The following RASGEF1A variants were observed in gnomAD, a reference collection of about 807,000 sequenced individuals.
The protein encoded by RASGEF1A is RasGEF domain family member 1A.
RASGEF1A carries 18 observed loss-of-function variants against 56.4 expected under a neutral mutation model. The observed-to-expected ratio is 0.32, with a 90% CI of 0.22 to 0.47. The LOEUF is 0.47. Among genes scored for constraint, RASGEF1A ranks in the 20% least tolerant of loss-of-function variants. RASGEF1A has a pLI of 1.00. For missense variants in RASGEF1A, 422 were observed against 627.1 expected (o/e 0.67, Z 3.49); for synonymous variants, 245 against 242.6 (o/e 1.01, Z -0.09).
In RASGEF1A at chr10:43,245,944, C is replaced by A. The variant is rs139981036; in HGVS notation, c.-7+20901G>T. ...GATAAGAAAAAGATATAAAAGACAC[C>A]CATATTGAAAAGAAGAAGTAAAACT... On this transcript the variant is annotated intron_variant, in intron 1 of 12. Transcript: ENST00000395810. 3.7e-3 allele frequency among the ~76,000 whole-genome samples: 564 copies of A among 152,126 alleles called. 7 individuals carry two copies. The highest frequency in any genetic ancestry group is 0.013 in the African/African-American group (534 of 41,502).
At chr10:43,226,816 C>T (rs536442002) in intron 1 of RASGEF1A, among the ~76,000 whole-genome samples, 1 of 152,354 alleles carries the variant, frequency 6.6e-6, no homozygotes, top group Admixed American at 6.5e-5. Flanking sequence ...TTCCTCCTTC[C>T]TTCCAGAACT....
At chr10:43,225,411 A>ATGTGTCTCTGTGTC (rs1840264873) in intron 1 of RASGEF1A, among the ~76,000 whole-genome samples, 1 of 126,828 alleles carries the variant, frequency 7.9e-6, no homozygotes, top group African/African-American at 3.1e-5. Context: ...GTGTGCCTGC[A>ATGTGTCTCTGTGTC]TGTGTCTCTG....
intron 1 of RASGEF1A, among the ~76,000 whole-genome samples, chr10:43,263,566 G>A (rs1272321605): frequency 1.3e-5 from 2 of 152,180 alleles, no homozygotes; most frequent in South Asian, 4.1e-4. Flanking sequence ...TCAAGCTGGT[G>A]CTGGCCTCTG....
At chr10:43,212,256 C>CAG in intron 1 of RASGEF1A, among the ~76,000 whole-genome samples, 2 of 152,338 alleles carry the variant, frequency 1.3e-5, no homozygotes, top group South Asian at 4.1e-4. Flanking sequence ...CCACTCGCTC[C>CAG]CAGCCTCCTG....
chr10:43,252,458 C>G (rs566110218), intron 1 of RASGEF1A, among the ~76,000 whole-genome samples: 2 of 152,002 alleles, frequency 1.3e-5, no homozygotes, highest in African/African-American at 4.8e-5. Flanking sequence ...GGCCGGGGCT[C>G]GGCATCCAGC....
At chr10:43,259,477 T>C (rs949936170) in intron 1 of RASGEF1A, among the ~76,000 whole-genome samples, 1 of 152,172 alleles carries the variant, frequency 6.6e-6, no homozygotes. Flanking sequence ...GGAGGCTAGC[T>C]GTGGGGTCAG....
chr10:43,234,040 C>T (rs565204691), intron 1 of RASGEF1A, among the ~76,000 whole-genome samples: 234 of 152,230 alleles, frequency 1.5e-3, no homozygotes, highest in Middle Eastern at 6.8e-3. Flanking sequence ...CCGGGGAGGG[C>T]ACCCTCACCC....
chr10:43,205,068 AGGT>A (rs1441212338), intron 2 of RASGEF1A, among the ~76,000 whole-genome samples: 1 of 152,338 alleles, frequency 6.6e-6, no homozygotes, highest in East Asian at 1.9e-4. Flanking sequence ...GAGGTCTGGC[AGGT>A]GGTGAAGCCA....
At chr10:43,266,004 C>T (rs554443637) in intron 1 of RASGEF1A, among the ~76,000 whole-genome samples, 1 of 152,336 alleles carries the variant, frequency 6.6e-6, no homozygotes, top group Non-Finnish European at 1.5e-5. Context: ...CTGCTCTGAG[C>T]AGGGAGGGAG....
intron 1 of RASGEF1A, among the ~76,000 whole-genome samples, chr10:43,249,556 C>T (rs964209811): frequency 6.6e-6 from 1 of 152,242 alleles, no homozygotes; most frequent in African/African-American, 2.4e-5. Context: ...TCTGCTCCCC[C>T]AGGCACACAG....
chr10:43,209,682 G>T (rs940500495), intron 1 of RASGEF1A, among the ~76,000 whole-genome samples: 1 of 141,550 alleles, frequency 7.1e-6, no homozygotes, highest in Non-Finnish European at 1.6e-5. Context: ...AGCTCAGGAA[G>T]CCCCCCCACC....
chr10:43,228,943 T>A (rs1840320033), intron 1 of RASGEF1A, among the ~76,000 whole-genome samples: 1 of 152,196 alleles, frequency 6.6e-6, no homozygotes, highest in Non-Finnish European at 1.5e-5. Context: ...GGGGCTCAGC[T>A]CCACGCTGTG....
intron 1 of RASGEF1A, among the ~76,000 whole-genome samples, chr10:43,243,455 G>C (rs1247254438): frequency 6.8e-6 from 1 of 147,084 alleles, no homozygotes; most frequent in Admixed American, 6.8e-5. Context: ...ACCCCGCCTG[G>C]GAAGTGAGGG....
intron 3 of RASGEF1A, 108 bp downstream of exon 3, chr10:43,203,190 C>G (rs1457573184): frequency 1.6e-5 from 18 of 1,150,538 alleles, no homozygotes; most frequent in Non-Finnish European, 2.2e-5. Context: ...AGCCCTGACC[C>G]CATCCCCCAG....
At chr10:43,219,830 G>A (rs1002396203) in intron 1 of RASGEF1A, among the ~76,000 whole-genome samples, 2 of 152,220 alleles carry the variant, frequency 1.3e-5, no homozygotes, top group Admixed American at 1.3e-4. Flanking sequence ...AACTAATTAC[G>A]CTGAGCAAAG....
At chr10:43,199,906 GC>G in intron 6 of RASGEF1A, 138 bp from the exon 7 acceptor site, 1 of 785,896 alleles carries the variant, frequency 1.3e-6, no homozygotes, top group Non-Finnish European at 2.1e-6. Flanking sequence ...GCTCCTTGCT[GC>G]CCAGTGCAGG....
intron 1 of RASGEF1A, among the ~76,000 whole-genome samples, chr10:43,209,975 T>G (rs1402576592): frequency 2.0e-5 from 3 of 152,202 alleles, no homozygotes; most frequent in Admixed American, 6.5e-5. Flanking sequence ...CTACAGCCTC[T>G]CAGTTCCAAG....
intron 1 of RASGEF1A, among the ~76,000 whole-genome samples, chr10:43,247,946 C>T (rs1260232670): frequency 1.3e-5 from 2 of 151,930 alleles, no homozygotes; most frequent in Non-Finnish European, 2.9e-5. Flanking sequence ...CACCTGTAAT[C>T]CCAGCACTTT....
At chr10:43,232,614 G>A (rs1840385975) in intron 1 of RASGEF1A, among the ~76,000 whole-genome samples, 1 of 150,884 alleles carries the variant, frequency 6.6e-6, no homozygotes, top group Non-Finnish European at 1.5e-5. Context: ...AGCCTCTCAA[G>A]TAGCTGGGAT....
Sources: gnomAD v4.1 joint callset for allele counts (sites outside exome capture counted in the v4.1 genomes callset) on GRCh38, gnomAD v4.1.1 for gene constraint, MANE v1.5 for transcripts, NCBI Gene and HGNC (gene_info 2026-07-23, HGNC 2026-07-21) for gene names.